Variants in FILIP1 observed in about 807,000 individuals in gnomAD.
FILIP1 encodes the protein filamin A interacting protein 1, also known as filamin-A-interacting protein 1.
Under a neutral mutation model 102.1 loss-of-function variants are expected in FILIP1, and 61 were observed. The ratio of observed to expected loss-of-function variants is 0.60; its 90% confidence interval spans 0.49 to 0.74. The LOEUF (loss-of-function observed/expected upper bound fraction) is 0.74. Ranked by LOEUF, FILIP1 falls within the 30% of genes least tolerant of loss-of-function variation. The pLI, the probability that FILIP1 is intolerant of heterozygous loss-of-function variation, is 0.00. For missense variants in FILIP1, 1,314 were observed against 1,441.2 expected (o/e 0.91, Z 1.43); for synonymous variants, 491 against 526.9 (o/e 0.93, Z 0.93).
intron 1 of FILIP1, chr6:75,453,873 T>C: frequency 6.8e-6 from 3 of 442,410 alleles, no homozygotes; most frequent in Non-Finnish European, 1.4e-5. Context: ...GGCCATGTCA[T>C]GTGATGCAAA....
intron 2 of FILIP1, among the ~76,000 whole-genome samples, chr6:75,413,097 A>C (rs1777131608): frequency 6.6e-6 from 1 of 152,158 alleles, no homozygotes. Context: ...AAACATAAAA[A>C]CCACATGAAT....
At chr6:75,471,725 T>C (rs992944158) in intron 1 of FILIP1, among the ~76,000 whole-genome samples, 1 of 152,292 alleles carries the variant, frequency 6.6e-6, no homozygotes. Context: ...ATCCTTTCTA[T>C]GGAAGACCAT....
chr6:75,414,265 C>G (rs1777176000), intron 2 of FILIP1, among the ~76,000 whole-genome samples: 1 of 151,822 alleles, frequency 6.6e-6, no homozygotes, highest in Non-Finnish European at 1.5e-5. Flanking sequence ...TTATTTACCT[C>G]TATCTCTCCT....
At chr6:75,363,042 G>T in intron 2 of FILIP1, 125 bp from the exon 3 acceptor site, 1 of 885,392 alleles carries the variant, frequency 1.1e-6, no homozygotes, top group Non-Finnish European at 1.7e-6. Flanking sequence ...AAATTCACTG[G>T]GTATTCTGCT....
chr6:75,334,089 C>G (rs777656493), intron 4 of FILIP1, among the ~76,000 whole-genome samples: 16 of 152,058 alleles, frequency 1.1e-4, no homozygotes, highest in Non-Finnish European at 2.2e-4. Flanking sequence ...TAACAACAAA[C>G]CTTTGGGAAG....
At chr6:75,343,486 C>T (rs1182094623) in intron 4 of FILIP1, among the ~76,000 whole-genome samples, 1 of 152,186 alleles carries the variant, frequency 6.6e-6, no homozygotes, top group African/African-American at 2.4e-5. Flanking sequence ...GGACTACCCC[C>T]TCCTACAGCA....
chr6:75,440,900 G>A (rs1778188074), intron 1 of FILIP1, among the ~76,000 whole-genome samples: 1 of 147,944 alleles, frequency 6.8e-6, no homozygotes, highest in Non-Finnish European at 1.5e-5. Flanking sequence ...AGTGAGCCGA[G>A]ATCGTGCCGT....
chr6:75,334,917 A>T (rs1393061730), intron 4 of FILIP1: 1 of 152,198 alleles, frequency 6.6e-6, no homozygotes, highest in Non-Finnish European at 1.5e-5. Context: ...CCAAGACTGG[A>T]AGGGAAGGCA....
intron 1 of FILIP1, among the ~76,000 whole-genome samples, chr6:75,418,652 A>G (rs73461711): frequency 0.011 from 1,733 of 151,824 alleles, 37 homozygotes; most frequent in African/African-American, 0.04. Flanking sequence ...GTGTGTAGAT[A>G]GCATTTTCTG....
intron 1 of FILIP1, among the ~76,000 whole-genome samples, chr6:75,490,569 C>T (rs561404639): frequency 6.6e-6 from 1 of 151,670 alleles, no homozygotes; most frequent in Admixed American, 6.6e-5. Context: ...ATAAATAGAA[C>T]CTGGCACCAA....
At chr6:75,389,262 G>C (rs1381697707) in intron 2 of FILIP1, among the ~76,000 whole-genome samples, 1 of 152,190 alleles carries the variant, frequency 6.6e-6, no homozygotes, top group Non-Finnish European at 1.5e-5. Flanking sequence ...TGTGCTACTG[G>C]ATTCAGTTTG....
chr6:75,372,499 C>A (rs1210587990), intron 2 of FILIP1, among the ~76,000 whole-genome samples: 1 of 148,824 alleles, frequency 6.7e-6, no homozygotes, highest in Admixed American at 6.8e-5. Flanking sequence ...ATACAAGTGG[C>A]CAAAAAGCAC....
Position 75,313,556 on chromosome 6 carries a change from T to C in FILIP1, c.2276A>G (p.Glu759Gly), listed in dbSNP as rs1411534292. 1 of 1,614,212 alleles carries C rather than the reference T, an allele frequency of 6.2e-7. No homozygotes were observed. The highest frequency in any genetic ancestry group is 1.1e-5 in the South Asian group (1 of 91,080). Reference sequence around the variant, plus strand: ...CTGCCCCATGTTTTTGTTCTTATTTTCTTCTTCCATAAATCTTTGTTGAAG... The same window carrying C: ...CTGCCCCATGTTTTTGTTCTTATTTCCTTCTTCCATAAATCTTTGTTGAAG... ...SVLQQRFMEE[E>G]NKNKNMGQEV... Residue 759 changes from glutamate to glycine, a missense_variant, in exon 5 of 6, where the codon GAA (glutamate) becomes GGA (glycine). By Grantham distance (98) the Glu-to-Gly change is moderately conservative. This residue lies in a region of FILIP1 where 816 missense variants were observed against 913.1 expected (regional missense o/e 0.89). Transcript: ENST00000237172. This position sits in a 1 kb window ranked among gnomAD's most constrained non-coding sequence, Gnocchi z 4.2.
At chr6:75,363,177 A>G (rs769326045) in intron 2 of FILIP1, among the ~76,000 whole-genome samples, 14 of 151,692 alleles carry the variant, frequency 9.2e-5, no homozygotes, top group Admixed American at 2.0e-4. Context: ...GCTTTATCTA[A>G]GTAGCAATAA....
chr6:75,381,287 T>C (rs928933295), intron 2 of FILIP1, among the ~76,000 whole-genome samples: 1 of 152,100 alleles, frequency 6.6e-6, no homozygotes, highest in African/African-American at 2.4e-5. Context: ...TAGAGTGCAG[T>C]AGCTTGATCT....
At chr6:75,469,092 C>A (rs555188143) in intron 1 of FILIP1, among the ~76,000 whole-genome samples, 41 of 151,794 alleles carry the variant, frequency 2.7e-4, no homozygotes, top group Admixed American at 6.6e-4. Flanking sequence ...ACAAAAAATC[C>A]ATTAAATTCT....
At chr6:75,339,906 C>T (rs1025664466) in intron 4 of FILIP1, among the ~76,000 whole-genome samples, 1 of 152,110 alleles carries the variant, frequency 6.6e-6, no homozygotes, top group African/African-American at 2.4e-5. Context: ...CGAGATCACA[C>T]CACTGCACTC....
intron 2 of FILIP1, among the ~76,000 whole-genome samples, chr6:75,395,190 A>G (rs914154570): frequency 6.6e-6 from 1 of 152,224 alleles, no homozygotes; most frequent in African/African-American, 2.4e-5. Context: ...AATATAGTAT[A>G]TGCTTCCATA....
intron 1 of FILIP1, among the ~76,000 whole-genome samples, chr6:75,446,131 CTA>C (rs1459070863): frequency 3.3e-5 from 5 of 152,088 alleles, no homozygotes; most frequent in African/African-American, 1.2e-4. Flanking sequence ...GAAGCTATTG[CTA>C]TAGTTAGATT....
Sources: gnomAD v4.1 joint callset for allele counts (sites outside exome capture counted in the v4.1 genomes callset) on GRCh38, gnomAD v4.1.1 for gene constraint, gnomAD v4.1.1 regional missense constraint, Gnocchi (gnomAD v3.1) non-coding constraint, MANE v1.5 for transcripts, NCBI Gene and HGNC (gene_info 2026-07-23, HGNC 2026-07-21) for gene names.